SPAG16: variants seen among roughly 807,000 people sequenced by gnomAD.
SPAG16 encodes sperm associated antigen 16, also known as sperm-associated antigen 16 protein.
Under a neutral mutation model 80.4 loss-of-function variants are expected in SPAG16, and 86 were observed. The observed-to-expected ratio is 1.07, with a 90% confidence interval of 0.90 to 1.28. SPAG16 has a LOEUF of 1.28. Ranked by LOEUF, SPAG16 falls within the 50% of genes most tolerant of loss-of-function variation. SPAG16 has a pLI of 0.00. For synonymous variants in SPAG16, 294 were observed against 265.9 expected (o/e 1.11, Z -1.03); for missense variants, 870 against 765.3 (o/e 1.14, Z -1.61).
intron 15 of SPAG16, among the ~76,000 whole-genome samples, chr2:214,186,918 C>G (rs543385984): frequency 3.9e-5 from 6 of 152,054 alleles, no homozygotes; most frequent in African/African-American, 1.4e-4. Flanking sequence ...TGCCACCATG[C>G]GAGGCTAATT....
intron 10 of SPAG16, among the ~76,000 whole-genome samples, chr2:213,539,946 G>A (rs367981770): frequency 6.6e-6 from 1 of 151,236 alleles, no homozygotes. Context: ...TGTTGTAATC[G>A]CCTTGGTCAG....
chr2:213,346,128 A>C lies in SPAG16; in HGVS notation c.645-4400A>C, dbSNP rs555903088. 2.8e-3 allele frequency among the ~76,000 whole-genome samples: 423 copies of C among 152,050 alleles called. 5 individuals carry two copies. The highest frequency in any genetic ancestry group is 3.9e-3 in the Non-Finnish European group (268 of 67,976). On this transcript the variant is annotated intron_variant, in intron 6 of 15. Transcript: ENST00000331683. ...TGTAAGTTGGATTCCTAGGTATTTT[A>C]TTCTCTTTGAAGCAATTGTGAATGG... is the stretch of plus-strand genomic sequence containing the variant.
chr2:213,970,600 G>A (rs934573313), intron 12 of SPAG16, among the ~76,000 whole-genome samples: 4 of 152,102 alleles, frequency 2.6e-5, no homozygotes, highest in African/African-American at 4.8e-5. Flanking sequence ...CACATCTGGC[G>A]AAGTAATGCT....
intron 12 of SPAG16, among the ~76,000 whole-genome samples, chr2:214,000,322 G>T (rs2046734560): frequency 6.6e-6 from 1 of 152,070 alleles, no homozygotes; most frequent in Non-Finnish European, 1.5e-5. Flanking sequence ...TTCCGCTTTT[G>T]CATCATCCTC....
intron 10 of SPAG16, among the ~76,000 whole-genome samples, chr2:213,786,806 A>T (rs2070370257): frequency 6.6e-6 from 1 of 152,156 alleles, no homozygotes; most frequent in Non-Finnish European, 1.5e-5. Context: ...GCTGTGTTCT[A>T]ATTACCTCAT....
intron 10 of SPAG16, among the ~76,000 whole-genome samples, chr2:213,761,685 C>T (rs1289762168): frequency 2.0e-5 from 3 of 151,770 alleles, no homozygotes; most frequent in Non-Finnish European, 4.4e-5. Flanking sequence ...ATGGTGAAAC[C>T]CCATCTGTAC....
At chr2:214,034,097 C>T (rs960383910) in intron 13 of SPAG16, among the ~76,000 whole-genome samples, 24 of 152,080 alleles carry the variant, frequency 1.6e-4, no homozygotes, top group East Asian at 1.9e-4. Context: ...GAATGTCTCC[C>T]GATTTGTGTT....
intron 15 of SPAG16, among the ~76,000 whole-genome samples, chr2:214,352,625 ATATTG>A (rs1698501095): frequency 8.1e-6 from 1 of 124,104 alleles, no homozygotes; most frequent in African/African-American, 3.4e-5. Flanking sequence ...TCTTCCCTGG[ATATTG>A]ATTACAGCAT....
intron 12 of SPAG16, among the ~76,000 whole-genome samples, chr2:213,959,034 T>C (rs2044286059): frequency 6.6e-6 from 1 of 152,218 alleles, no homozygotes; most frequent in Non-Finnish European, 1.5e-5. Flanking sequence ...ATAAGAAAGT[T>C]CGTTGACGGT....
At chr2:213,296,585 A>G (rs2062508207) in intron 2 of SPAG16, among the ~76,000 whole-genome samples, 1 of 152,166 alleles carries the variant, frequency 6.6e-6, no homozygotes, top group East Asian at 1.9e-4. Context: ...TACTTCGGAC[A>G]CTTGGAGGAT....
At chr2:213,917,394 T>C (rs893448787) in intron 11 of SPAG16, among the ~76,000 whole-genome samples, 1 of 152,240 alleles carries the variant, frequency 6.6e-6, no homozygotes, top group South Asian at 2.1e-4. Flanking sequence ...TATTGATTCT[T>C]CCTATCCATG....
chr2:214,220,439 A>G (rs1576526369), intron 15 of SPAG16, among the ~76,000 whole-genome samples: 1 of 152,108 alleles, frequency 6.6e-6, no homozygotes, highest in Non-Finnish European at 1.5e-5. Context: ...TTTTAGTTGC[A>G]TTTGAGTTTG....
chr2:214,120,609 A>G (rs1249813998), intron 14 of SPAG16, among the ~76,000 whole-genome samples: 1 of 151,774 alleles, frequency 6.6e-6, no homozygotes, highest in Non-Finnish European at 1.5e-5. Flanking sequence ...GTATTGTTGT[A>G]CCCAATGAGT....
intron 12 of SPAG16, among the ~76,000 whole-genome samples, chr2:213,991,177 G>C (rs2046263447): frequency 6.6e-6 from 1 of 151,872 alleles, no homozygotes; most frequent in African/African-American, 2.4e-5. Flanking sequence ...GTCAGGCCCT[G>C]GTGTGTGATG....
intron 13 of SPAG16, among the ~76,000 whole-genome samples, chr2:214,048,193 A>G (rs748832121): frequency 2.0e-5 from 3 of 152,292 alleles, no homozygotes; most frequent in Non-Finnish European, 4.4e-5. Context: ...ATGCCTAGGT[A>G]TATACTCCAA....
chr2:213,795,877 G>A (rs1039234886), intron 10 of SPAG16, among the ~76,000 whole-genome samples: 2 of 152,148 alleles, frequency 1.3e-5, no homozygotes, highest in Admixed American at 6.6e-5. Flanking sequence ...AAGCCACTAT[G>A]CTTTCTGTAC....
chr2:213,718,787 C>A (rs973955312), intron 10 of SPAG16, among the ~76,000 whole-genome samples: 3 of 152,190 alleles, frequency 2.0e-5, no homozygotes, highest in African/African-American at 7.2e-5. Flanking sequence ...ACTCCATGGG[C>A]TCCTGTGCAG....
intron 15 of SPAG16, among the ~76,000 whole-genome samples, chr2:214,396,747 T>G (rs1013283422): frequency 6.6e-6 from 1 of 152,104 alleles, no homozygotes; most frequent in African/African-American, 2.4e-5. Context: ...ATTTGGTTGT[T>G]TATGTTCTTA....
intron 13 of SPAG16, among the ~76,000 whole-genome samples, chr2:214,099,114 C>T (rs1305143926): frequency 1.3e-5 from 2 of 152,014 alleles, no homozygotes; most frequent in Non-Finnish European, 2.9e-5. Context: ...TACTTGTAAG[C>T]AGGGCTGTAG....
Sources: gnomAD v4.1 joint callset for allele counts (sites outside exome capture counted in the v4.1 genomes callset) on GRCh38, gnomAD v4.1.1 for gene constraint, MANE v1.5 for transcripts, NCBI Gene and HGNC (gene_info 2026-07-23, HGNC 2026-07-21) for gene names.